Variants in EPHA6 observed in about 807,000 individuals in gnomAD.
EPHA6 encodes ephrin type-A receptor 6.
A neutral mutation model predicts 112.0 loss-of-function variants in EPHA6; 50 were observed. That is an observed-to-expected ratio of 0.45 (90% CI 0.36 to 0.56). The LOEUF is 0.56. EPHA6 is among the 20% of genes least tolerant of loss of function. EPHA6 has a pLI of 0.00. For synonymous variants in EPHA6, 529 were observed against 490.7 expected (o/e 1.08, Z -1.03); for missense variants, 1,280 against 1,417.4 (o/e 0.90, Z 1.56).
At chr3:97,677,101 T>C (rs1245490654) in intron 14 of EPHA6, among the ~76,000 whole-genome samples, 6 of 152,186 alleles carry the variant, frequency 3.9e-5, no homozygotes, top group African/African-American at 1.4e-4. Context: ...TAAAAAACTT[T>C]AGGAATGTTT....
intron 14 of EPHA6, among the ~76,000 whole-genome samples, chr3:97,653,334 A>G (rs2094118887): frequency 1.3e-5 from 2 of 151,966 alleles, no homozygotes; most frequent in Non-Finnish European, 2.9e-5. Context: ...CTGGTTAAAC[A>G]TGGGCAAAAG....
intron 5 of EPHA6, among the ~76,000 whole-genome samples, chr3:97,325,374 C>A (rs1010007306): frequency 2.6e-5 from 4 of 152,066 alleles, no homozygotes; most frequent in African/African-American, 9.7e-5. Flanking sequence ...CTGGTCTTTT[C>A]TCTGTGTGTG....
chr3:97,613,610 G>A (rs1369434932), intron 13 of EPHA6, among the ~76,000 whole-genome samples: 1 of 152,122 alleles, frequency 6.6e-6, no homozygotes, highest in Non-Finnish European at 1.5e-5. Flanking sequence ...TATATCGGCA[G>A]AGGGGCAGTG....
rs548027796 is a variant in EPHA6, at chr3:97,686,886, G to A, written c.2785-33375G>A. On this transcript the variant is annotated intron_variant, in intron 14 of 17. Coordinates refer to ENST00000389672, the MANE Select transcript of EPHA6 (RefSeq NM_001080448.3). ...ATCTTACTACCCTCACCAGCTTTAG[G>A]GTATACATTGTTTACCAGTGGCACA... Among the ~76,000 whole-genome samples, 6 of 152,130 alleles carry A rather than the reference G, an allele frequency of 3.9e-5. No homozygotes were observed. The South Asian group carries it at 8.3e-4, about 21-fold the overall frequency.
intron 7 of EPHA6, among the ~76,000 whole-genome samples, chr3:97,454,220 T>C (rs2090610186): frequency 6.6e-6 from 1 of 151,770 alleles, no homozygotes; most frequent in African/African-American, 2.4e-5. Flanking sequence ...TTCCTTGGAA[T>C]TTCTAAATAT....
At chr3:97,388,524 A>G (rs2086203803) in intron 5 of EPHA6, among the ~76,000 whole-genome samples, 1 of 152,154 alleles carries the variant, frequency 6.6e-6, no homozygotes, top group African/African-American at 2.4e-5. Context: ...GGGAAAAAAA[A>G]TGACTTTTAA....
intron 5 of EPHA6, 188 bp downstream of exon 5, chr3:97,244,475 G>A: frequency 1.7e-6 from 1 of 575,978 alleles, no homozygotes; most frequent in Non-Finnish European, 3.1e-6. Context: ...TTACTTCTCA[G>A]CAGTATGAAT....
At position 96,837,609 on chromosome 3, in the gene EPHA6, CAAT is replaced by C. The variant is rs199994406; in HGVS notation, c.385+22606_385+22608del. Among the ~76,000 whole-genome samples the C allele has an allele frequency of 3.1e-3, 478 of 152,086 alleles. 4 individuals carry two copies. Among genetic ancestry groups the C allele is most frequent in the African/African-American group, 0.011 (438 of 41,518 alleles). ...AACTGTTTACCAGGTCAACATGTTT[CAAT>C]AATATCTTACTTTTGGACCATTTTC... On this transcript the variant is annotated intron_variant, in intron 1 of 17. Transcript: ENST00000389672.
At position 97,735,798 on chromosome 3, in the gene EPHA6, C is replaced by T. The variant is rs138040565; in HGVS notation, c.2935-127C>T. The stretch of plus-strand genomic sequence containing the variant: ...CTTTTGTATTTATCCTTATTTAGGT[C>T]CTTGTACTCACAAGTAGTTTTCATG... On this transcript the variant is annotated intron_variant, in intron 15 of 17. Coordinates refer to ENST00000389672, the MANE Select transcript of EPHA6 (RefSeq NM_001080448.3). The T allele has an allele frequency of 7.2e-4, 451 of 629,864 alleles. 4 individuals are homozygous for T. The African/African-American group carries it at 7.4e-3, about 10-fold the overall frequency. The allele number at this position is 629,864 out of a possible 1,614,324, so 39.0% of individuals were successfully genotyped here.
chr3:96,893,780 T>C (rs1437971267), intron 2 of EPHA6, among the ~76,000 whole-genome samples: 1 of 152,174 alleles, frequency 6.6e-6, no homozygotes, highest in Non-Finnish European at 1.5e-5. Context: ...AAAAGATTGT[T>C]TGCTATGTTG....
chr3:97,493,671 C>T (rs752866443), intron 10 of EPHA6, among the ~76,000 whole-genome samples: 18 of 146,308 alleles, frequency 1.2e-4, no homozygotes, highest in Non-Finnish European at 2.6e-4. Context: ...CAAGATATTA[C>T]CTGATGAAAG....
intron 2 of EPHA6, among the ~76,000 whole-genome samples, chr3:96,979,695 C>T (rs936128966): frequency 6.6e-6 from 1 of 152,274 alleles, no homozygotes; most frequent in Admixed American, 6.5e-5. Context: ...TATTTCTCCA[C>T]ATCCTCTCCA....
intron 6 of EPHA6, among the ~76,000 whole-genome samples, chr3:97,409,079 A>G (rs1241913455): frequency 6.6e-6 from 1 of 152,110 alleles, no homozygotes; most frequent in Non-Finnish European, 1.5e-5. Context: ...GAAATGATGC[A>G]GCCACTGTAA....
chr3:97,214,036 TGTGA>T (rs1172351048), intron 3 of EPHA6, among the ~76,000 whole-genome samples: 101 of 130,950 alleles, frequency 7.7e-4, no homozygotes, highest in African/African-American at 2.4e-3. Context: ...TGTGTGTGTG[TGTGA>T]GAGAGAGAGA....
intron 7 of EPHA6, among the ~76,000 whole-genome samples, chr3:97,466,023 G>A (rs190327132): frequency 6.6e-6 from 1 of 151,034 alleles, no homozygotes; most frequent in Non-Finnish European, 1.5e-5. Context: ...ATTGATACAT[G>A]AGACCCATTA....
At chr3:97,497,274 T>C (rs1340786265) in intron 10 of EPHA6, among the ~76,000 whole-genome samples, 2 of 152,174 alleles carry the variant, frequency 1.3e-5, no homozygotes, top group Non-Finnish European at 2.9e-5. Flanking sequence ...CTGGCAACAA[T>C]GGTGTCATTC....
Position 97,227,981 on chromosome 3 carries a change from C to T in EPHA6, c.1270+1562C>T, listed in dbSNP as rs554966811. ...AGTTGATATCAGCGGTGGAGTGGGT[C>T]TTTAAAAAGGGCTGGCTTCTCTTTA... On this transcript the variant is annotated intron_variant, in intron 4 of 17. Transcript: ENST00000389672. Among the ~76,000 whole-genome samples the T allele has an allele frequency of 1.3e-5, 2 of 151,998 alleles. 1 individual carries two copies. Among genetic ancestry groups the T allele is most frequent in the Non-Finnish European group, 2.9e-5 (2 of 68,000 alleles).
intron 9 of EPHA6, among the ~76,000 whole-genome samples, chr3:97,482,735 A>G (rs558316542): frequency 1.7e-4 from 26 of 152,298 alleles, no homozygotes; most frequent in Admixed American, 1.6e-3. Flanking sequence ...GAGTCAAACA[A>G]CAGTTAACGC....
At chr3:97,006,570 T>C (rs1427415207) in intron 3 of EPHA6, among the ~76,000 whole-genome samples, 2 of 152,142 alleles carry the variant, frequency 1.3e-5, no homozygotes, top group African/African-American at 4.8e-5. Context: ...CTGGATTCGT[T>C]GATTTTTTGG....
Sources: gnomAD v4.1 joint callset for allele counts (sites outside exome capture counted in the v4.1 genomes callset) on GRCh38, gnomAD v4.1.1 for gene constraint, MANE v1.5 for transcripts, NCBI Gene and HGNC (gene_info 2026-07-23, HGNC 2026-07-21) for gene names.